FAM149A: variants seen among roughly 807,000 people sequenced by gnomAD.
FAM149A encodes protein FAM149A.
A neutral mutation model predicts 78.2 loss-of-function variants in FAM149A; 71 were observed. That is an observed-to-expected ratio of 0.91 (90% CI 0.75 to 1.11). FAM149A has a LOEUF of 1.11. Among genes scored for constraint, FAM149A ranks in the 50% least tolerant of loss-of-function variants. The pLI, the probability that FAM149A is intolerant of heterozygous loss-of-function variation, is 0.00. For missense variants in FAM149A, 1,036 were observed against 971.0 expected, an observed-to-expected ratio of 1.07 and a Z score of -0.89; for synonymous variants, 446 against 410.5, an observed-to-expected ratio of 1.09 and a Z score of -1.04.
intron 1 of FAM149A, among the ~76,000 whole-genome samples, chr4:186,129,396 G>A (rs1404375784): frequency 2.6e-5 from 4 of 152,010 alleles, no homozygotes; most frequent in South Asian, 2.1e-4. Context: ...ATTAAATCAC[G>A]AGGAAAAACT....
At chr4:186,138,833 A>G (rs1256809071) in intron 1 of FAM149A, among the ~76,000 whole-genome samples, 2 of 151,994 alleles carry the variant, frequency 1.3e-5, no homozygotes, top group African/African-American at 2.4e-5. Context: ...TGGCTCCGGG[A>G]GTGCTTGTCA....
Position 186,144,922 on chromosome 4 carries a change from GC to G in FAM149A, c.567-4250del. On this transcript the variant is annotated intron_variant, in intron 1 of 13. Coordinates refer to ENST00000389354, the MANE Select transcript of FAM149A (RefSeq NM_001367768.3). This position sits in a 1 kb window ranked among gnomAD's most constrained non-coding sequence, Gnocchi z 4.2. ...GGGCCGCCTGAGCTGGGCCAGCCGCGCGGCGGGCGCGGGCGCGGGCGCGGGC... is the reference window on the plus strand; with the variant it reads ...GGGCCGCCTGAGCTGGGCCAGCCGCGGGCGGGCGCGGGCGCGGGCGCGGGC... The G allele has an allele frequency of 1.1e-6, 1 of 915,986 alleles. No homozygotes were observed. The highest frequency in any genetic ancestry group is 1.3e-6 in the Non-Finnish European group (1 of 795,186). The allele number at this position is 915,986 out of a possible 1,614,324, so 56.7% of individuals were successfully genotyped here.
chr4:186,130,457 C>T (rs2099320330), intron 1 of FAM149A, among the ~76,000 whole-genome samples: 1 of 151,546 alleles, frequency 6.6e-6, no homozygotes, highest in Non-Finnish European at 1.5e-5. Context: ...TCACTGCAGC[C>T]TCTACCTGCT....
In FAM149A at chr4:186,149,616, C is replaced by T. The variant is rs1384664898; in HGVS notation, c.701C>T (p.Ala234Val). 1 of 1,289,862 alleles carries T rather than the reference C, an allele frequency of 7.8e-7. No homozygotes were observed. The highest frequency in any genetic ancestry group is 5.5e-5 in the East Asian group (1 of 18,032). The allele number at this position is 1,289,862 out of a possible 1,614,324, so 79.9% of individuals were successfully genotyped here. A position where few individuals can be genotyped will look rare whatever the true frequency, so the allele number is the denominator to read the frequency against. ...AGCGGAAGCCATACACCCACGGGAG[C>T]CCACACCTCTTGGTCTGGGTCGGCC... The change falls in exon 3 of 14, where the codon GCC becomes GTC. Residue 234 changes from alanine (A) to valine (V), a missense_variant. Physicochemically the swap from Ala to Val is moderately conservative, Grantham distance 64. Transcript: ENST00000389354.
intron 1 of FAM149A, among the ~76,000 whole-genome samples, chr4:186,137,763 T>C (rs1378055300): frequency 6.6e-6 from 1 of 152,032 alleles, no homozygotes; most frequent in African/African-American, 2.4e-5. Flanking sequence ...AATTCTGTTA[T>C]CATTTAATAT....
chr4:186,152,359 A>G (rs896457053), intron 4 of FAM149A, among the ~76,000 whole-genome samples: 4 of 152,108 alleles, frequency 2.6e-5, no homozygotes, highest in Admixed American at 6.5e-5. Context: ...TGTGAGCAGC[A>G]CATGTCTGTC....
chr4:186,128,053 C>T (rs531066118), intron 1 of FAM149A, among the ~76,000 whole-genome samples: 134 of 123,518 alleles, frequency 1.1e-3, no homozygotes, highest in African/African-American at 4.1e-3. Context: ...TGCAATGGTA[C>T]GATTTCAGCT....
intron 1 of FAM149A, chr4:186,117,628 ATTTG>A (rs942911980): frequency 3.0e-6 from 3 of 985,420 alleles, no homozygotes; most frequent in Non-Finnish European, 3.6e-6. Flanking sequence ...GAGGCTTTCC[ATTTG>A]TTAGGAGCAC....
chr4:186,165,244 C>A, intron 10 of FAM149A, 100 bp from the exon 11 acceptor site: 1 of 1,344,654 alleles, frequency 7.4e-7, no homozygotes. Flanking sequence ...CTGTGTGCCC[C>A]TCACGCAGAA....
rs144293961 is a variant in FAM149A at position 186,129,405 on chromosome 4, CTG to C, written c.567-19764_567-19763del. Among the ~76,000 whole-genome samples the C allele has an allele frequency of 4.6e-3, 705 of 152,292 alleles. 9 individuals are homozygous for C. Among genetic ancestry groups the C allele is most frequent in the African/African-American group, 0.016 (676 of 41,560 alleles). ...AATTGCATTAAATCACGAGGAAAAA[CTG>C]TGTATTTCACTAAAGATCCCCTTGA... On this transcript the variant is annotated intron_variant, in intron 1 of 13. Transcript: ENST00000389354.
At chr4:186,155,965 A>G (rs1487715388) in intron 6 of FAM149A, 35 bp from the exon 7 acceptor site, 1 of 1,568,414 alleles carries the variant, frequency 6.4e-7, no homozygotes, top group Admixed American at 1.7e-5. Flanking sequence ...CTAAGCATTG[A>G]TCTTTTAGTA....
At chr4:186,126,225 T>G (rs2099318277) in intron 1 of FAM149A, 1 of 389,490 alleles carries the variant, frequency 2.6e-6, no homozygotes. Flanking sequence ...TTGACATACT[T>G]GCCCTTTCCA....
intron 8 of FAM149A, among the ~76,000 whole-genome samples, chr4:186,160,618 C>T (rs1240138594): frequency 2.0e-5 from 3 of 149,592 alleles, no homozygotes; most frequent in Admixed American, 6.7e-5. Flanking sequence ...CATGCATACA[C>T]AACCCACAAC....
rs779900401 is a variant in FAM149A, at chr4:186,162,917, C to T, written c.1648C>T (p.Arg550Trp). Residue 550 changes from arginine (R) to tryptophan (W), a missense_variant, in exon 9 of 14, where the codon CGG becomes TGG. Arg to Trp is a moderately radical substitution (Grantham distance 101). Coordinates refer to ENST00000389354, the MANE Select transcript of FAM149A (RefSeq NM_001367768.3). ...GACAATTCAAGCAAAACCGCTTCAG[C>T]GGAGACCTGCCTATTTTGCTGACAG... 4.0e-5 allele frequency: 65 copies of T among 1,608,514 alleles called. 1 individual carries two copies. The East Asian group carries it at 8.1e-4, about 20-fold the overall frequency.
intron 11 of FAM149A, among the ~76,000 whole-genome samples, chr4:186,165,790 A>G (rs1579931589): frequency 6.6e-6 from 1 of 152,268 alleles, no homozygotes; most frequent in African/African-American, 2.4e-5. Flanking sequence ...GTCCGCGTGG[A>G]TCCTGCCACA....
At chr4:186,136,954 C>CTCTT (rs1554068525) in intron 1 of FAM149A, among the ~76,000 whole-genome samples, 5 of 111,440 alleles carry the variant, frequency 4.5e-5, no homozygotes, top group Admixed American at 9.2e-5. Flanking sequence ...CTCTCTCTCT[C>CTCTT]TCTCTCTCTT....
rs2099308422 is a variant in FAM149A, at chr4:186,105,626, T to G, written c.550T>G (p.Ser184Ala). 11 of 1,058,552 alleles carry G rather than the reference T, an allele frequency of 1.0e-5. No individual in the cohort carries two copies. Among genetic ancestry groups the G allele is most frequent in the South Asian group, 5.0e-5 (2 of 40,314 alleles). The allele number at this position is 1,058,552 out of a possible 1,614,324, so 65.6% of individuals were successfully genotyped here. ...CGAGGAGGGGGCCTCGGACGGCGAC[T>G]CCGGGGATGGCGAAGCGTGAGTAGC... Residue 184 changes from serine (S) to alanine (A), a missense_variant, in exon 1 of 14, where the codon TCC becomes GCC. This residue lies in a region of FAM149A where 316 missense variants were observed against 241.9 expected (regional missense o/e 1.31). Coordinates refer to ENST00000389354, the MANE Select transcript of FAM149A (RefSeq NM_001367768.3).
At chr4:186,109,422 G>C in intron 1 of FAM149A, 1 of 935,798 alleles carries the variant, frequency 1.1e-6, no homozygotes, top group Non-Finnish European at 1.3e-6. Context: ...GTGACTAGAG[G>C]GACTTATCTC....
intron 1 of FAM149A, among the ~76,000 whole-genome samples, chr4:186,138,579 C>T (rs1307719188): frequency 6.6e-6 from 1 of 152,170 alleles, no homozygotes; most frequent in Non-Finnish European, 1.5e-5. Flanking sequence ...TCCTCAGTGT[C>T]CTCTGATCCG....
Sources: gnomAD v4.1 joint callset for allele counts (sites outside exome capture counted in the v4.1 genomes callset) on GRCh38, gnomAD v4.1.1 for gene constraint, gnomAD v4.1.1 regional missense constraint, Gnocchi (gnomAD v3.1) non-coding constraint, MANE v1.5 for transcripts, NCBI Gene and HGNC (gene_info 2026-07-23, HGNC 2026-07-21) for gene names.